Variants in PBX3 observed in about 807,000 individuals in gnomAD.
PBX3 encodes the protein PBX homeobox 3.
A neutral mutation model predicts 48.5 loss-of-function variants in PBX3; 14 were observed. That is an observed-to-expected ratio of 0.29 (90% CI 0.19 to 0.45). PBX3 has a LOEUF of 0.45. Ranked by LOEUF, PBX3 falls within the 20% of genes least tolerant of loss-of-function variation. The probability of loss-of-function intolerance (pLI) is 1.00; values close to 1 mark genes in which losing one functional copy is unlikely to be tolerated. For synonymous variants in PBX3, 210 were observed against 200.3 expected (o/e 1.05, Z -0.41); for missense variants, 386 against 546.7 (o/e 0.71, Z 2.93).
chr9:125,882,934 A>G (rs1410357272), intron 2 of PBX3, among the ~76,000 whole-genome samples: 1 of 152,262 alleles, frequency 6.6e-6, no homozygotes, highest in African/African-American at 2.4e-5. Flanking sequence ...AGTATTTGCA[A>G]CATTAGAAAT....
intron 2 of PBX3, among the ~76,000 whole-genome samples, chr9:125,764,997 TTAAAA>T (rs1451674684): frequency 6.6e-6 from 1 of 152,130 alleles, no homozygotes; most frequent in African/African-American, 2.4e-5. Flanking sequence ...ATCAATAAAA[TTAAAA>T]TAAAAGCCTT....
intron 2 of PBX3, among the ~76,000 whole-genome samples, chr9:125,913,202 A>C (rs1841244282): frequency 6.6e-6 from 1 of 152,024 alleles, no homozygotes; most frequent in South Asian, 2.1e-4. Context: ...AAGAACTATG[A>C]GTTTTCCGTC....
chr9:125,825,485 C>CT (rs781544459), intron 2 of PBX3, among the ~76,000 whole-genome samples: 2,298 of 140,934 alleles, frequency 0.016, 56 homozygotes, highest in African/African-American at 0.051. Flanking sequence ...TATTGTTTTA[C>CT]TTTTTTTTTT....
chr9:125,751,214 G>T (rs970504498), intron 2 of PBX3, among the ~76,000 whole-genome samples: 3 of 152,160 alleles, frequency 2.0e-5, no homozygotes, highest in African/African-American at 7.2e-5. Context: ...TTATGTTGAT[G>T]ACTCTATTCT....
At chr9:125,787,108 T>C (rs1837477762) in intron 2 of PBX3, among the ~76,000 whole-genome samples, 1 of 152,114 alleles carries the variant, frequency 6.6e-6, no homozygotes, top group Non-Finnish European at 1.5e-5. Context: ...AGCATGATCA[T>C]GGCTCACTGC....
chr9:125,748,592 C>T lies in PBX3; in HGVS notation c.243C>T (p.Phe81=), dbSNP rs781060199. The part of the protein sequence containing the change: ...LNCHRMKPAL[F]SVLCEIKEKT... ...GTCACAGAATGAAACCAGCGCTCTT[C>T]AGCGTCCTGTGTGAGATCAAAGAGA... The change falls in exon 2 of 9, where the codon TTC becomes TTT. Residue 81 remains phenylalanine, a synonymous_variant. Transcript: ENST00000373489. 1.2e-5 allele frequency: 20 copies of T among 1,613,698 alleles called. No individual in the cohort carries two copies. Among genetic ancestry groups the T allele is most frequent in the Non-Finnish European group, 1.5e-5 (18 of 1,179,950 alleles).
intron 2 of PBX3, among the ~76,000 whole-genome samples, chr9:125,767,867 G>C (rs1428812830): frequency 6.6e-6 from 1 of 152,106 alleles, no homozygotes. Context: ...GTATTGAGGG[G>C]AAAGAATCAG....
intron 2 of PBX3, among the ~76,000 whole-genome samples, chr9:125,819,760 C>T (rs903668242): frequency 6.6e-6 from 1 of 151,984 alleles, no homozygotes; most frequent in African/African-American, 2.4e-5. Context: ...CAATGTAACC[C>T]TGTACTCTTC....
chr9:125,945,807 T>C (rs909024908), intron 5 of PBX3, among the ~76,000 whole-genome samples: 4 of 152,208 alleles, frequency 2.6e-5, no homozygotes, highest in African/African-American at 7.2e-5. Context: ...TTTGGAAATA[T>C]AACTCAGAAG....
At chr9:125,874,378 CAAGA>C (rs1208787542) in intron 2 of PBX3, among the ~76,000 whole-genome samples, 1 of 151,816 alleles carries the variant, frequency 6.6e-6, no homozygotes, top group East Asian at 1.9e-4. Context: ...GGTAACAATA[CAAGA>C]AAGGAAAATG....
intron 2 of PBX3, among the ~76,000 whole-genome samples, chr9:125,816,573 G>A (rs73667085): frequency 0.036 from 5,482 of 152,280 alleles, 349 homozygotes; most frequent in African/African-American, 0.12. Context: ...GAGGATTAGA[G>A]CGGCTAAGTA....
At chr9:125,793,350 TG>T (rs765754619) in intron 2 of PBX3, among the ~76,000 whole-genome samples, 1 of 79,196 alleles carries the variant, frequency 1.3e-5, no homozygotes, top group African/African-American at 5.5e-5. Context: ...AGACTCCATT[TG>T]GGGGGGAAAA....
intron 2 of PBX3, among the ~76,000 whole-genome samples, chr9:125,815,121 A>G (rs1588175050): frequency 6.6e-6 from 1 of 152,328 alleles, no homozygotes; most frequent in East Asian, 1.9e-4. Flanking sequence ...GAAAGAAATC[A>G]GACTAAGTAG....
chr9:125,783,696 C>A, intron 2 of PBX3, among the ~76,000 whole-genome samples: 1 of 152,008 alleles, frequency 6.6e-6, no homozygotes. Flanking sequence ...GCTCTTCAAG[C>A]ATATTCACAA....
intron 2 of PBX3, among the ~76,000 whole-genome samples, chr9:125,761,118 A>G (rs1456066313): frequency 6.6e-6 from 1 of 152,160 alleles, no homozygotes; most frequent in Non-Finnish European, 1.5e-5. Flanking sequence ...CTGGATATTT[A>G]CCATTAATGA....
chr9:125,880,352 A>G (rs1034886262), intron 2 of PBX3, among the ~76,000 whole-genome samples: 3 of 152,204 alleles, frequency 2.0e-5, no homozygotes, highest in African/African-American at 7.2e-5. Flanking sequence ...CGTCATTATT[A>G]TTAACTAATT....
intron 2 of PBX3, among the ~76,000 whole-genome samples, chr9:125,915,047 T>A (rs1000629043): frequency 2.6e-5 from 4 of 152,204 alleles, no homozygotes; most frequent in African/African-American, 9.6e-5. Context: ...TTTAGTATCC[T>A]CGTTTTATAG....
At chr9:125,749,385 C>G (rs1379006564) in intron 2 of PBX3, 5 of 152,164 alleles carry the variant, frequency 3.3e-5, no homozygotes, top group Admixed American at 6.5e-5. Context: ...TTCAGTTTAA[C>G]TTTCTTGTCA....
At chr9:125,959,376 G>A (rs1842377758) in intron 5 of PBX3, among the ~76,000 whole-genome samples, 1 of 152,222 alleles carries the variant, frequency 6.6e-6, no homozygotes, top group African/African-American at 2.4e-5. Context: ...CGGCAAGTAT[G>A]CCTGCATGTG....
Sources: gnomAD v4.1 joint callset for allele counts (sites outside exome capture counted in the v4.1 genomes callset) on GRCh38, gnomAD v4.1.1 for gene constraint, MANE v1.5 for transcripts, NCBI Gene and HGNC (gene_info 2026-07-23, HGNC 2026-07-21) for gene names.